MACROD2: variants seen among roughly 807,000 people sequenced by gnomAD.
MACROD2 encodes the protein mono-ADP ribosylhydrolase 2.
In MACROD2, 36 loss-of-function variants were observed where a neutral mutation model predicts 70.4. The ratio of observed to expected loss-of-function variants is 0.51; its 90% CI spans 0.39 to 0.68. MACROD2 has a LOEUF of 0.68. Ranked by LOEUF, MACROD2 falls within the 30% of genes least tolerant of loss-of-function variation. MACROD2 has a pLI of 0.00. For synonymous variants in MACROD2, 172 were observed against 178.8 expected, an observed-to-expected ratio of 0.96 and a Z score of 0.30; for missense variants, 496 against 538.4, an observed-to-expected ratio of 0.92 and a Z score of 0.78.
At chr20:14,236,894 A>G (rs936697642) in intron 3 of MACROD2, among the ~76,000 whole-genome samples, 1 of 152,178 alleles carries the variant, frequency 6.6e-6, no homozygotes, top group Non-Finnish European at 1.5e-5. Flanking sequence ...ATAAATTTCT[A>G]TGATAAATAT....
chr20:15,515,297 A>G (rs2047552240), intron 8 of MACROD2, among the ~76,000 whole-genome samples: 1 of 152,254 alleles, frequency 6.6e-6, no homozygotes, highest in Admixed American at 6.5e-5. Flanking sequence ...TGATCAAATG[A>G]TTAACAAGCC....
At chr20:14,007,065 A>C (rs1291064207) in intron 2 of MACROD2, among the ~76,000 whole-genome samples, 1 of 151,952 alleles carries the variant, frequency 6.6e-6, no homozygotes, top group Non-Finnish European at 1.5e-5. Flanking sequence ...TTCTCTGACA[A>C]CCTTTTACCT....
chr20:15,054,746 G>A (rs903787849), intron 5 of MACROD2, among the ~76,000 whole-genome samples: 3 of 152,014 alleles, frequency 2.0e-5, no homozygotes, highest in African/African-American at 7.2e-5. Flanking sequence ...AGGGAGAATA[G>A]ATCACATTTA....
chr20:14,064,337 A>G (rs914285799), intron 2 of MACROD2, among the ~76,000 whole-genome samples: 3 of 152,136 alleles, frequency 2.0e-5, no homozygotes, highest in African/African-American at 7.2e-5. Context: ...TCCTAAATCT[A>G]CATCTCTAGC....
At position 15,564,307 on chromosome 20, in the gene MACROD2, C is replaced by T. The variant is rs550652588; in HGVS notation, c.645+64460C>T. Among the ~76,000 whole-genome samples the T allele has an allele frequency of 2.6e-5, 4 of 152,286 alleles. No individual in the cohort carries two copies. In the South Asian group the frequency reaches 6.2e-4, roughly 24 times the overall value. On this transcript the variant is annotated intron_variant, in intron 8 of 17. Coordinates refer to ENST00000684519, the MANE Select transcript of MACROD2 (RefSeq NM_001351661.2). ...CGACGTAACACTGGTATCTTTTTGACAGCAAAATGTCTGCAGGTCACTTTT... is the reference window on the plus strand; with the variant it reads ...CGACGTAACACTGGTATCTTTTTGATAGCAAAATGTCTGCAGGTCACTTTT...
chr20:14,310,953 G>A (rs2082562013), intron 3 of MACROD2, among the ~76,000 whole-genome samples: 1 of 152,142 alleles, frequency 6.6e-6, no homozygotes, highest in South Asian at 2.1e-4. Flanking sequence ...TTGTGTTTAA[G>A]CTAAGTGTTA....
chr20:14,480,762 A>G (rs2084654092), intron 3 of MACROD2, among the ~76,000 whole-genome samples: 1 of 152,190 alleles, frequency 6.6e-6, no homozygotes, highest in Non-Finnish European at 1.5e-5. Flanking sequence ...TCCTGTGTAC[A>G]GAAAAAAAGT....
intron 5 of MACROD2, among the ~76,000 whole-genome samples, chr20:14,829,128 A>ATT (rs71190150): frequency 0.047 from 5,171 of 110,336 alleles, 268 homozygotes; most frequent in Non-Finnish European, 0.06. Flanking sequence ...TTGCAGAACT[A>ATT]TTTTTTTTTT....
intron 4 of MACROD2, among the ~76,000 whole-genome samples, chr20:14,598,426 C>T (rs774638049): frequency 1.3e-5 from 2 of 152,014 alleles, no homozygotes; most frequent in Admixed American, 6.6e-5. Flanking sequence ...AGTTGAATAA[C>T]TAGGAATTGT....
At chr20:16,030,748 A>T (rs2067141426) in intron 15 of MACROD2, among the ~76,000 whole-genome samples, 1 of 152,228 alleles carries the variant, frequency 6.6e-6, no homozygotes, top group Admixed American at 6.5e-5. Context: ...AAAGGTTGAG[A>T]TTTTCACAGT....
intron 3 of MACROD2, among the ~76,000 whole-genome samples, chr20:14,224,447 C>T (rs1430908049): frequency 6.6e-6 from 1 of 152,170 alleles, no homozygotes; most frequent in Admixed American, 6.5e-5. Context: ...CTGGCCTCTT[C>T]CTATAACCCT....
chr20:15,854,089 G>C (rs1036090012), intron 8 of MACROD2, among the ~76,000 whole-genome samples: 5 of 152,040 alleles, frequency 3.3e-5, no homozygotes, highest in African/African-American at 9.7e-5. Flanking sequence ...TCCCCTTCAG[G>C]GTGCGTAGAA....
intron 5 of MACROD2, among the ~76,000 whole-genome samples, chr20:14,805,650 T>C (rs2072629744): frequency 6.6e-6 from 1 of 152,064 alleles, no homozygotes; most frequent in Non-Finnish European, 1.5e-5. Flanking sequence ...AGGTCTCTGA[T>C]TTTAAACTCC....
intron 8 of MACROD2, among the ~76,000 whole-genome samples, chr20:15,709,205 G>A (rs921109371): frequency 3.3e-5 from 5 of 152,176 alleles, no homozygotes; most frequent in Non-Finnish European, 7.3e-5. Context: ...GCGGTGCACC[G>A]CAAAGTCGGG....
intron 4 of MACROD2, among the ~76,000 whole-genome samples, chr20:14,515,465 GCACACA>G (rs11467236): frequency 2.4e-4 from 30 of 127,168 alleles, no homozygotes; most frequent in South Asian, 4.8e-4. Context: ...ACACACACAC[GCACACA>G]CACACACACA....
intron 8 of MACROD2, among the ~76,000 whole-genome samples, chr20:15,678,394 C>T (rs905716169): frequency 6.6e-6 from 1 of 151,354 alleles, no homozygotes; most frequent in African/African-American, 2.4e-5. Flanking sequence ...GAGTCTCGCT[C>T]TGTAGCCCAG....
chr20:14,256,142 C>T lies in MACROD2; in HGVS notation c.271+170414C>T, dbSNP rs78286224. Among the ~76,000 whole-genome samples, 529 of 152,066 alleles carry T rather than the reference C, an allele frequency of 3.5e-3. 3 individuals are homozygous for T. The highest frequency in any genetic ancestry group is 0.012 in the African/African-American group (493 of 41,528). On this transcript the variant is annotated intron_variant, in intron 3 of 17. Coordinates refer to ENST00000684519, the MANE Select transcript of MACROD2 (RefSeq NM_001351661.2). ...TTGCCTTTTTATGCCTAAATCTGTC[C>T]GTATTCTAGTTTTGCTATTCAGTTT... is the stretch of plus-strand genomic sequence containing the variant.
chr20:14,296,975 T>A (rs1232480970), intron 3 of MACROD2, among the ~76,000 whole-genome samples: 1 of 151,912 alleles, frequency 6.6e-6, no homozygotes, highest in Non-Finnish European at 1.5e-5. Flanking sequence ...TGTCACATTT[T>A]GGTAATTCTC....
At position 14,191,821 on chromosome 20, in the gene MACROD2, G is replaced by A. The variant is rs1244763166; in HGVS notation, c.271+106093G>A. Among the ~76,000 whole-genome samples the A allele has an allele frequency of 2.0e-5, 3 of 152,166 alleles. No homozygotes were observed. The East Asian group carries it at 5.8e-4, about 29-fold the overall frequency. On this transcript the variant is annotated intron_variant, in intron 3 of 17. Transcript: ENST00000684519. ...AGTTGGCTCATGCAGAGAGAGATGA[G>A]GCAGAAAGAACAAGCCAGATCATAT...
Sources: gnomAD v4.1 joint callset for allele counts (sites outside exome capture counted in the v4.1 genomes callset) on GRCh38, gnomAD v4.1.1 for gene constraint, MANE v1.5 for transcripts, NCBI Gene and HGNC (gene_info 2026-07-23, HGNC 2026-07-21) for gene names.